MCU: variants seen among roughly 807,000 people sequenced by gnomAD.
MCU encodes calcium uniporter protein, mitochondrial.
MCU carries 12 observed loss-of-function variants against 45.2 expected under a neutral mutation model. That is an observed-to-expected ratio of 0.27 (90% CI 0.17 to 0.43). The LOEUF (loss-of-function observed/expected upper bound fraction) is 0.43, where lower values mean the gene tolerates loss of function less well. MCU is among the 20% of genes least tolerant of loss of function. MCU has a pLI of 1.00. For missense variants in MCU, 324 were observed against 436.7 expected, an observed-to-expected ratio of 0.74 and a Z score of 2.30; for synonymous variants, 160 against 165.1, an observed-to-expected ratio of 0.97 and a Z score of 0.24.
chr10:72,883,128 G>T (rs1469720023), intron 6 of MCU, among the ~76,000 whole-genome samples: 3 of 152,134 alleles, frequency 2.0e-5, no homozygotes, highest in African/African-American at 7.2e-5. Context: ...GACACAAAAG[G>T]CCACATATTG....
At chr10:72,805,061 C>T (rs1157278368) in intron 1 of MCU, among the ~76,000 whole-genome samples, 2 of 151,280 alleles carry the variant, frequency 1.3e-5, no homozygotes, top group Non-Finnish European at 3.0e-5. Flanking sequence ...TGAGCCACCT[C>T]ACCTGGCCCT....
intron 1 of MCU, among the ~76,000 whole-genome samples, chr10:72,739,275 T>A (rs1214025981): frequency 6.6e-6 from 1 of 152,318 alleles, no homozygotes; most frequent in East Asian, 1.9e-4. Flanking sequence ...ATATTTGAAT[T>A]TGAGATAGAC....
intron 6 of MCU, among the ~76,000 whole-genome samples, chr10:72,881,790 G>C (rs1399999710): frequency 6.6e-6 from 1 of 152,184 alleles, no homozygotes; most frequent in Non-Finnish European, 1.5e-5. Context: ...TTAGTGATCA[G>C]GAAAATGCTG....
At chr10:72,714,857 T>C (rs1842939587) in intron 1 of MCU, among the ~76,000 whole-genome samples, 1 of 152,238 alleles carries the variant, frequency 6.6e-6, no homozygotes, top group South Asian at 2.1e-4. Flanking sequence ...AAATATTTAA[T>C]ACTTTGTTTC....
At chr10:72,869,149 G>A (rs1589505568) in intron 5 of MCU, among the ~76,000 whole-genome samples, 1 of 152,192 alleles carries the variant, frequency 6.6e-6, no homozygotes, top group African/African-American at 2.4e-5. Context: ...TGCTGATCAG[G>A]AAAGGCTCTT....
At chr10:72,780,078 C>T (rs867702668) in intron 1 of MCU, among the ~76,000 whole-genome samples, 3 of 152,066 alleles carry the variant, frequency 2.0e-5, no homozygotes, top group Non-Finnish European at 2.9e-5. Context: ...TATATCCATA[C>T]GATGGAATAT....
At chr10:72,878,587 G>GT (rs1182287569) in intron 6 of MCU, among the ~76,000 whole-genome samples, 1 of 152,112 alleles carries the variant, frequency 6.6e-6, no homozygotes, top group Admixed American at 6.6e-5. Context: ...AAACAACAAG[G>GT]TTGAGAATAT....
intron 1 of MCU, among the ~76,000 whole-genome samples, chr10:72,709,022 A>T (rs79290395): frequency 9.9e-5 from 15 of 152,026 alleles, no homozygotes; most frequent in Admixed American, 2.6e-4. Context: ...AAAAAAAAAA[A>T]TTTAAGAAAT....
At chr10:72,729,734 A>G (rs187188795) in intron 1 of MCU, among the ~76,000 whole-genome samples, 116 of 152,242 alleles carry the variant, frequency 7.6e-4, no homozygotes, top group Non-Finnish European at 1.3e-3. Context: ...CAGTTACTCA[A>G]CCTTGGCATG....
rs181191539 is a variant in MCU at position 72,707,291 on chromosome 10, T to C, written c.150+14990T>C. Among the ~76,000 whole-genome samples the C allele has an allele frequency of 3.1e-3, 467 of 150,472 alleles. 2 individuals carry two copies. Among genetic ancestry groups the C allele is most frequent in the African/African-American group, 0.011 (436 of 40,874 alleles). ...TTGGCTCACTGCAACCTCTGCCTCC[T>C]GATTTCTAGCAATTCTCCTGCCTCA... On this transcript the variant is annotated intron_variant, in intron 1 of 7. Transcript: ENST00000373053.
chr10:72,711,812 C>T (rs1249320077), intron 1 of MCU, among the ~76,000 whole-genome samples: 3 of 148,806 alleles, frequency 2.0e-5, no homozygotes, highest in Non-Finnish European at 4.5e-5. Context: ...CCCGGGTTCA[C>T]GTCATTCTCC....
At chr10:72,866,676 G>A (rs1010484242) in intron 4 of MCU, among the ~76,000 whole-genome samples, 10 of 152,064 alleles carry the variant, frequency 6.6e-5, no homozygotes, top group East Asian at 1.9e-4. Flanking sequence ...ATTACAGGCC[G>A]CGCCTGGCCA....
intron 2 of MCU, among the ~76,000 whole-genome samples, chr10:72,856,328 T>G (rs569785120): frequency 1.1e-4 from 17 of 152,326 alleles, no homozygotes; most frequent in Non-Finnish European, 2.4e-4. Context: ...CTCATCAGAT[T>G]TCCATTTTAA....
At chr10:72,791,760 A>C (rs1021580742) in intron 1 of MCU, among the ~76,000 whole-genome samples, 2 of 152,110 alleles carry the variant, frequency 1.3e-5, no homozygotes, top group African/African-American at 4.8e-5. Context: ...TTATGTAAGA[A>C]TATTAATTAC....
At chr10:72,701,150 T>C (rs562545583) in intron 1 of MCU, among the ~76,000 whole-genome samples, 1 of 152,336 alleles carries the variant, frequency 6.6e-6, no homozygotes, top group African/African-American at 2.4e-5. Flanking sequence ...GTATGACTGA[T>C]AAATTGTCAG....
intron 2 of MCU, among the ~76,000 whole-genome samples, chr10:72,834,965 A>G (rs972384126): frequency 1.3e-5 from 2 of 152,166 alleles, no homozygotes; most frequent in African/African-American, 4.8e-5. Flanking sequence ...TTTATCTGTT[A>G]AAACTAGGGA....
chr10:72,731,994 A>G (rs928883046), intron 1 of MCU, among the ~76,000 whole-genome samples: 3 of 152,154 alleles, frequency 2.0e-5, no homozygotes, highest in African/African-American at 2.4e-5. Context: ...GGGTAATCCT[A>G]TGGTTAACTT....
At chr10:72,805,490 G>A (rs568428460) in intron 1 of MCU, among the ~76,000 whole-genome samples, 2 of 151,276 alleles carry the variant, frequency 1.3e-5, no homozygotes, top group Non-Finnish European at 2.9e-5. Flanking sequence ...CAGGCAATCC[G>A]CCCACCTCAG....
chr10:72,886,639 A>C lies in MCU; in HGVS notation c.*817A>C, dbSNP rs1219238469. ...TCCCTCCAGAACACAAATCAGAGGG[A>C]AAGGGGGTGTTCAGCTGTACTACCA... On this transcript the variant is annotated 3_prime_UTR_variant, in exon 8 of 8. Transcript: ENST00000373053. 1 of 152,290 alleles carries C rather than the reference A, an allele frequency of 6.6e-6. No individual in the cohort carries two copies. Among genetic ancestry groups the C allele is most frequent in the Non-Finnish European group, 1.5e-5 (1 of 68,030 alleles). The allele number at this position is 152,290 out of a possible 1,614,324, so 9.4% of individuals were successfully genotyped here.
Sources: allele counts gnomAD v4.1 joint callset (sites outside exome capture counted in the v4.1 genomes callset), GRCh38; gene constraint gnomAD v4.1.1; transcripts MANE v1.5; gene names NCBI Gene and HGNC (gene_info 2026-07-23, HGNC 2026-07-21).